The following PRUNE2 variants were observed in gnomAD, a reference collection of about 807,000 sequenced individuals.
PRUNE2 encodes prune homolog 2 with BCH domain, also known as protein prune homolog 2.
In PRUNE2, 164 loss-of-function variants were observed where a neutral mutation model predicts 252.0. That is an observed-to-expected ratio of 0.65 (90% CI 0.57 to 0.74). PRUNE2 has a LOEUF of 0.74. Ranked by LOEUF, PRUNE2 falls within the 30% of genes least tolerant of loss-of-function variation. The pLI is 0.00. For missense variants in PRUNE2, 3,495 were observed against 3,711.0 expected, an observed-to-expected ratio of 0.94 and a Z score of 1.51; for synonymous variants, 1,292 against 1,350.2, an observed-to-expected ratio of 0.96 and a Z score of 0.94.
At chr9:76,751,684 C>T (rs2135737704) in intron 6 of PRUNE2, among the ~76,000 whole-genome samples, 1 of 152,268 alleles carries the variant, frequency 6.6e-6, no homozygotes, top group African/African-American at 2.4e-5. Context: ...AAACCTCTCA[C>T]CGAAAATACT....
intron 1 of PRUNE2, among the ~76,000 whole-genome samples, chr9:76,885,091 G>A (rs2062012868): frequency 2.0e-5 from 3 of 152,216 alleles, no homozygotes; most frequent in African/African-American, 4.8e-5. Context: ...AAGGGAAGGA[G>A]TAAGGAGCTC....
intron 12 of PRUNE2, 182 bp downstream of exon 12, chr9:76,644,557 A>G (rs746290484): frequency 5.6e-6 from 4 of 715,928 alleles, no homozygotes; most frequent in Non-Finnish European, 1.0e-5. Flanking sequence ...GCCTAGTAGG[A>G]TTTCAAATGT....
intron 6 of PRUNE2, among the ~76,000 whole-genome samples, chr9:76,766,963 C>T (rs542959568): frequency 6.8e-4 from 104 of 152,212 alleles, no homozygotes; most frequent in African/African-American, 2.5e-3. Context: ...TATCATCTAC[C>T]TCTCCCACCT....
intron 18 of PRUNE2, among the ~76,000 whole-genome samples, chr9:76,616,987 A>C (rs1263878346): frequency 6.6e-6 from 1 of 151,436 alleles, no homozygotes; most frequent in Non-Finnish European, 1.5e-5. Flanking sequence ...TACATAAATA[A>C]ATAAATAAAT....
intron 6 of PRUNE2, among the ~76,000 whole-genome samples, chr9:76,798,197 T>C (rs1170020844): frequency 6.6e-6 from 1 of 152,224 alleles, no homozygotes; most frequent in African/African-American, 2.4e-5. Context: ...AGTTCAGAAG[T>C]ATTAAGTATA....
chr9:76,844,261 AG>A (rs2059553006), intron 4 of PRUNE2, among the ~76,000 whole-genome samples: 2 of 152,246 alleles, frequency 1.3e-5, no homozygotes, highest in East Asian at 3.9e-4. Context: ...TGTTTGAGTC[AG>A]GGGGGCCAAT....
At chr9:76,642,001 TAAAAAAA>T in intron 12 of PRUNE2, 1 of 1,010,458 alleles carries the variant, frequency 9.9e-7, no homozygotes, top group Non-Finnish European at 1.4e-6. Flanking sequence ...ATAAGAGAAG[TAAAAAAA>T]AAAAAAAAAG....
Position 76,774,453 on chromosome 9 carries a change from T to TATTTATTTATTTATTTATTTA in PRUNE2, c.756+49178_756+49179insTAAATAAATAAATAAATAAAT, listed in dbSNP as rs370472844. 5.6e-4 allele frequency among the ~76,000 whole-genome samples: 69 copies of TATTTATTTATTTATTTATTTA among 122,300 alleles called. 1 individual carries two copies. Among genetic ancestry groups the TATTTATTTATTTATTTATTTA allele is most frequent in the South Asian group, 2.1e-3 (7 of 3,394 alleles). The allele number at this position is 122,300 out of a possible 152,430, so 80.2% of individuals were successfully genotyped here. ...GTTCCTGGCCTCCAGTTCAACCCTT[T>TATTTATTTATTTATTTATTTA]TTTTTTTTTTTTTTTTTTTTTTTTG... On this transcript the variant is annotated intron_variant, in intron 6 of 18. Transcript: ENST00000376718.
intron 6 of PRUNE2, among the ~76,000 whole-genome samples, chr9:76,761,207 G>A (rs768002634): frequency 2.6e-5 from 4 of 152,018 alleles, no homozygotes; most frequent in Non-Finnish European, 5.9e-5. Flanking sequence ...CATTTGGGGA[G>A]TTTAAATCTA....
rs529871796 is a variant in PRUNE2 at position 76,860,510 on chromosome 9, G to A, written c.37-6302C>T. Among the ~76,000 whole-genome samples, 6 of 152,280 alleles carry A rather than the reference G, an allele frequency of 3.9e-5. No individual in the cohort carries two copies. The East Asian group carries it at 5.8e-4, about 15-fold the overall frequency. On this transcript the variant is annotated intron_variant, in intron 1 of 18. Coordinates refer to ENST00000376718, the MANE Select transcript of PRUNE2 (RefSeq NM_015225.3). Reference sequence around the variant, plus strand: ...AGATGGAGTCAGTTGGCAGATTTCCGTTACTGTTATCATTTCTGCAACGGT... The same window carrying A: ...AGATGGAGTCAGTTGGCAGATTTCCATTACTGTTATCATTTCTGCAACGGT...
In PRUNE2 at chr9:76,703,426, C is replaced by G; in HGVS notation, c.8187G>C (p.Gln2729His). 6.2e-7 allele frequency: 1 copy of G among 1,613,718 alleles called. No individual in the cohort carries two copies. The highest frequency in any genetic ancestry group is 1.1e-5 in the South Asian group (1 of 91,062). Reference sequence around the variant, plus strand: ...CAGGGATCATGTTTTTCTGAACAGGCTGTGGTGAAAGCATTTCCCATTCAT... The same window carrying G: ...CAGGGATCATGTTTTTCTGAACAGGGTGTGGTGAAAGCATTTCCCATTCAT... ...HDNEWEMLSP[Q>H]PVQKNMIPDT... Residue 2729 changes from glutamine to histidine, a missense_variant, in exon 9 of 19, where the codon CAG becomes CAC. Gln to His is a conservative substitution (Grantham distance 24). Transcript: ENST00000376718.
intron 4 of PRUNE2, among the ~76,000 whole-genome samples, chr9:76,842,098 C>T (rs1487903011): frequency 1.3e-5 from 2 of 152,166 alleles, no homozygotes; most frequent in Non-Finnish European, 2.9e-5. Context: ...AACTATACTA[C>T]AAGGCTACAG....
chr9:76,721,301 C>T (rs2047627788), intron 6 of PRUNE2, among the ~76,000 whole-genome samples: 1 of 152,184 alleles, frequency 6.6e-6, no homozygotes, highest in Non-Finnish European at 1.5e-5. Context: ...ATCATTTCCA[C>T]CGTTTCACCT....
chr9:76,782,747 A>G (rs1472842376), intron 6 of PRUNE2: 1 of 152,366 alleles, frequency 6.6e-6, no homozygotes, highest in Middle Eastern at 3.4e-3. Context: ...GAGTCTCCTC[A>G]GTGACACAGG....
chr9:76,857,063 C>CT, intron 1 of PRUNE2: 1 of 455,916 alleles, frequency 2.2e-6, no homozygotes, highest in South Asian at 1.5e-5. Context: ...CAACATGTCT[C>CT]TTTTTTCATG....
At chr9:76,786,130 A>C (rs2054948950) in intron 6 of PRUNE2, 1 of 152,150 alleles carries the variant, frequency 6.6e-6, no homozygotes, top group South Asian at 2.1e-4. Flanking sequence ...CCAGAATTTG[A>C]ATTCCCTCAT....
intron 6 of PRUNE2, among the ~76,000 whole-genome samples, chr9:76,811,121 A>G (rs912971118): frequency 6.6e-6 from 1 of 152,222 alleles, no homozygotes; most frequent in African/African-American, 2.4e-5. Context: ...GTCTGAGCAC[A>G]TTCCTAAAAA....
chr9:76,623,971 C>T (rs1833558505), intron 17 of PRUNE2, among the ~76,000 whole-genome samples: 2 of 152,180 alleles, frequency 1.3e-5, no homozygotes, highest in South Asian at 4.1e-4. Flanking sequence ...ATCAAAATAG[C>T]TCAAAGGCTG....
intron 6 of PRUNE2, among the ~76,000 whole-genome samples, chr9:76,793,092 G>A (rs923801663): frequency 6.6e-6 from 1 of 152,156 alleles, no homozygotes; most frequent in Non-Finnish European, 1.5e-5. Flanking sequence ...TGTGGGGTTT[G>A]GTACATCTTC....
Sources: gnomAD v4.1 joint callset for allele counts (sites outside exome capture counted in the v4.1 genomes callset) on GRCh38, gnomAD v4.1.1 for gene constraint, MANE v1.5 for transcripts, NCBI Gene and HGNC (gene_info 2026-07-23, HGNC 2026-07-21) for gene names.